ITPRID1: variants seen among roughly 807,000 people sequenced by gnomAD.
ITPRID1 encodes protein ITPRID1.
A neutral mutation model predicts 95.4 loss-of-function variants in ITPRID1; 96 were observed. The ratio of observed to expected loss-of-function variants is 1.01; its 90% CI spans 0.85 to 1.19. The LOEUF is 1.19. ITPRID1 is among the 50% of genes most tolerant of loss of function. The probability of loss-of-function intolerance (pLI) is 0.00; values close to 1 mark genes in which losing one functional copy is unlikely to be tolerated. For missense variants in ITPRID1, 1,339 were observed against 1,252.9 expected (o/e 1.07, Z -1.04); for synonymous variants, 510 against 453.6 (o/e 1.12, Z -1.58).
chr7:31,646,767 G>A (rs1004817380), intron 12 of ITPRID1, among the ~76,000 whole-genome samples: 1 of 152,188 alleles, frequency 6.6e-6, no homozygotes, highest in Non-Finnish European at 1.5e-5. Context: ...GACGTGGGTA[G>A]ATTTTAAACA....
intron 10 of ITPRID1, among the ~76,000 whole-genome samples, chr7:31,617,688 A>T (rs1468500914): frequency 6.6e-6 from 1 of 152,040 alleles, no homozygotes; most frequent in Non-Finnish European, 1.5e-5. Context: ...TCATTTTCTG[A>T]TTTATATTAG....
chr7:31,519,620 C>CTCTCAATATATATATATATATATATA, intron 1 of ITPRID1, among the ~76,000 whole-genome samples: 1 of 25,254 alleles, frequency 4.0e-5, no homozygotes. Context: ...CTCTCTCTCT[C>CTCTCAATATATATATATATATATATA]TATATATATA....
intron 10 of ITPRID1, among the ~76,000 whole-genome samples, chr7:31,610,240 A>C (rs898744057): frequency 6.6e-6 from 1 of 151,654 alleles, no homozygotes; most frequent in Non-Finnish European, 1.5e-5. Context: ...TGAGAAATGT[A>C]AGTATTCTTC....
rs557460963 is a variant in ITPRID1 at position 31,541,124 on chromosome 7, A to C, written c.-97-8302A>C. Reference sequence around the variant, plus strand: ...AACAAGTATGCTCCAAATTTTGTTCATGGGAGTATACTAAATTGCTAAAAG... The same window carrying C: ...AACAAGTATGCTCCAAATTTTGTTCCTGGGAGTATACTAAATTGCTAAAAG... On this transcript the variant is annotated intron_variant, in intron 1 of 14. Transcript: ENST00000615280. 2.7e-3 allele frequency among the ~76,000 whole-genome samples: 413 copies of C among 152,326 alleles called. 1 individual carries two copies. Among genetic ancestry groups the C allele is most frequent in the Non-Finnish European group, 4.4e-3 (302 of 68,018 alleles).
intron 10 of ITPRID1, among the ~76,000 whole-genome samples, chr7:31,585,381 G>T (rs1412258551): frequency 6.6e-6 from 1 of 151,924 alleles, no homozygotes; most frequent in Non-Finnish European, 1.5e-5. Context: ...ACTTCATATA[G>T]AAAATTGGGA....
intron 5 of ITPRID1, among the ~76,000 whole-genome samples, chr7:31,561,901 A>T (rs1001299901): frequency 3.3e-5 from 5 of 152,228 alleles, no homozygotes; most frequent in Middle Eastern, 3.4e-3. Context: ...CCTTCCTGTA[A>T]CCACAAACAC....
At chr7:31,567,936 G>T (rs928894608) in intron 5 of ITPRID1, among the ~76,000 whole-genome samples, 3 of 152,064 alleles carry the variant, frequency 2.0e-5, no homozygotes, top group Non-Finnish European at 4.4e-5. Context: ...GACCAGCCTG[G>T]CTAACATGGT....
chr7:31,555,044 T>G, intron 5 of ITPRID1, 143 bp downstream of exon 5: 17 of 647,954 alleles, frequency 2.6e-5, no homozygotes, highest in Non-Finnish European at 3.8e-5. Flanking sequence ...GCTCAATCTC[T>G]TCATTTGACA....
chr7:31,615,597 A>AT (rs1166409157), intron 10 of ITPRID1, among the ~76,000 whole-genome samples: 3 of 152,126 alleles, frequency 2.0e-5, no homozygotes, highest in African/African-American at 7.2e-5. Flanking sequence ...ACATTAAGTA[A>AT]TTTTTTAAAA....
At chr7:31,623,093 G>T (rs942312376) in intron 10 of ITPRID1, among the ~76,000 whole-genome samples, 1 of 152,170 alleles carries the variant, frequency 6.6e-6, no homozygotes, top group Admixed American at 6.5e-5. Flanking sequence ...AACAGGATCT[G>T]AAATTGTGGC....
rs537843114 is a variant in ITPRID1, at chr7:31,654,084, A to T, written c.*1255A>T. On this transcript the variant is annotated 3_prime_UTR_variant, in exon 15 of 15. Transcript: ENST00000615280. ...AAAAAAAAAAAAAACCAACAAGCAA[A>T]TAATTACAATCCTGAAAAGAGCCTC... 2.0e-5 allele frequency among the ~76,000 whole-genome samples: 3 copies of T among 151,928 alleles called. No homozygotes were observed. Among genetic ancestry groups the T allele is most frequent in the African/African-American group, 7.3e-5 (3 of 41,364 alleles).
intron 12 of ITPRID1, among the ~76,000 whole-genome samples, chr7:31,646,985 C>A (rs1180584682): frequency 3.3e-5 from 5 of 152,064 alleles, no homozygotes; most frequent in Non-Finnish European, 7.4e-5. Context: ...TATTAACATC[C>A]AAAGAAATAG....
At chr7:31,586,630 A>G (rs564959951) in intron 10 of ITPRID1, among the ~76,000 whole-genome samples, 1 of 152,186 alleles carries the variant, frequency 6.6e-6, no homozygotes, top group South Asian at 2.1e-4. Context: ...TGGCTGTATA[A>G]ATGTCTTCTT....
intron 1 of ITPRID1, among the ~76,000 whole-genome samples, chr7:31,519,620 C>CTCTCTCTCTATATATA: frequency 1.0e-3 from 26 of 25,254 alleles, no homozygotes; most frequent in East Asian, 3.0e-3. Flanking sequence ...CTCTCTCTCT[C>CTCTCTCTCTATATATA]TATATATATA....
intron 10 of ITPRID1, among the ~76,000 whole-genome samples, chr7:31,593,677 T>G (rs1785958606): frequency 6.6e-6 from 1 of 152,214 alleles, no homozygotes; most frequent in African/African-American, 2.4e-5. Context: ...AAATTTTAAA[T>G]GGATGCAGCT....
intron 1 of ITPRID1, among the ~76,000 whole-genome samples, chr7:31,541,049 A>G (rs1783917757): frequency 6.6e-6 from 1 of 152,250 alleles, no homozygotes; most frequent in South Asian, 2.1e-4. Flanking sequence ...TCATAACTTA[A>G]GAATACTCAC....
chr7:31,648,775 T>C (rs1790704257), intron 12 of ITPRID1, among the ~76,000 whole-genome samples: 1 of 152,196 alleles, frequency 6.6e-6, no homozygotes, highest in Non-Finnish European at 1.5e-5. Context: ...CTCAAACAGC[T>C]CGCTGCTAAG....
intron 1 of ITPRID1, among the ~76,000 whole-genome samples, chr7:31,519,614 C>CTATATATATATATATATA (rs1396946575): frequency 4.6e-5 from 2 of 43,180 alleles, no homozygotes; most frequent in Admixed American, 3.0e-4. Flanking sequence ...CTCTCTCTCT[C>CTATATATATATATATATA]TCTCTCTATA....
chr7:31,584,304 A>G lies in ITPRID1; in HGVS notation c.1228+1113A>G, dbSNP rs995300169. On this transcript the variant is annotated intron_variant, in intron 10 of 14. Transcript: ENST00000615280. Reference sequence around the variant, plus strand: ...TCATTTTGCTAAATGCTGTTTAGAAATTATGCATTAGTAATTATAGGGTCC... The same window carrying G: ...TCATTTTGCTAAATGCTGTTTAGAAGTTATGCATTAGTAATTATAGGGTCC... Among the ~76,000 whole-genome samples, 19 of 152,350 alleles carry G rather than the reference A, an allele frequency of 1.2e-4. 1 individual carries two copies. The South Asian group carries it at 2.7e-3, about 22-fold the overall frequency.
Sources: allele counts gnomAD v4.1 joint callset (sites outside exome capture counted in the v4.1 genomes callset), GRCh38; gene constraint gnomAD v4.1.1; transcripts MANE v1.5; gene names NCBI Gene and HGNC (gene_info 2026-07-23, HGNC 2026-07-21).